RALGPS2: variants seen among roughly 807,000 people sequenced by gnomAD.
RALGPS2 encodes ras-specific guanine nucleotide-releasing factor RalGPS2.
Under a neutral mutation model 86.8 loss-of-function variants are expected in RALGPS2, and 43 were observed. The ratio of observed to expected loss-of-function variants is 0.50; its 90% CI spans 0.39 to 0.64. The LOEUF (loss-of-function observed/expected upper bound fraction) is 0.64, where lower values mean the gene tolerates loss of function less well. Among genes scored for constraint, RALGPS2 ranks in the 30% least tolerant of loss-of-function variants. The probability of loss-of-function intolerance (pLI) is 0.00; values close to 1 mark genes in which losing one functional copy is unlikely to be tolerated. For missense variants in RALGPS2, 536 were observed against 694.6 expected (o/e 0.77, Z 2.57); for synonymous variants, 243 against 231.3 (o/e 1.05, Z -0.46).
chr1:178,911,644 C>A (rs1241874903), intron 19 of RALGPS2, among the ~76,000 whole-genome samples: 1 of 152,142 alleles, frequency 6.6e-6, no homozygotes, highest in African/African-American at 2.4e-5. Flanking sequence ...TGTGGTTGAT[C>A]TTAGAGAATG....
At chr1:178,810,866 T>A (rs71628300) in intron 5 of RALGPS2, among the ~76,000 whole-genome samples, 36,057 of 151,924 alleles carry the variant, frequency 0.24, 5,008 homozygotes, top group Non-Finnish European at 0.32. Context: ...TCATAGTACA[T>A]GAATTAAAGT....
At chr1:178,876,166 T>C (rs1572440465) in intron 8 of RALGPS2, among the ~76,000 whole-genome samples, 1 of 152,158 alleles carries the variant, frequency 6.6e-6, no homozygotes, top group Non-Finnish European at 1.5e-5. Flanking sequence ...GAGTGCAAGA[T>C]AGAGCAACTG....
In RALGPS2 at chr1:178,918,763, TAAAATAGTGTAGGTG is replaced by T. The variant is rs1365200993; in HGVS notation, c.*2407_*2421del. ...GCAAATTGAAAACAGAAAAGTGACT[TAAAATAGTGTAGGTG>T]AATTTTTTATCTATAATTTACCAAA... On this transcript the variant is annotated 3_prime_UTR_variant, in exon 20 of 20. Transcript: ENST00000367635. 1 of 152,080 alleles carries T rather than the reference TAAAATAGTGTAGGTG, an allele frequency of 6.6e-6. No homozygotes were observed. Among genetic ancestry groups the T allele is most frequent in the Non-Finnish European group, 1.5e-5 (1 of 67,946 alleles). The allele number at this position is 152,080 out of a possible 1,614,324, so 9.4% of individuals were successfully genotyped here.
Position 178,852,968 on chromosome 1 carries a change from A to G in RALGPS2, c.607+19418A>G, listed in dbSNP as rs150839113. The stretch of plus-strand genomic sequence containing the variant: ...CCAAACCCTTTCTGTTAATAAGTGA[A>G]GAAACATGAGTGCATAAATAAGTAT... On this transcript the variant is annotated intron_variant, in intron 8 of 19. Coordinates refer to ENST00000367635, the MANE Select transcript of RALGPS2 (RefSeq NM_152663.5). 2.9e-4 allele frequency: 455 copies of G among 1,595,412 alleles called. 1 individual carries two copies. The Middle Eastern group carries it at 4.9e-3, about 17-fold the overall frequency.
At chr1:178,750,609 G>A (rs1651598140) in intron 1 of RALGPS2, among the ~76,000 whole-genome samples, 1 of 152,208 alleles carries the variant, frequency 6.6e-6, no homozygotes, top group South Asian at 2.1e-4. Context: ...CAGTCTGCAT[G>A]TAGCTGGTTG....
At position 178,914,243 on chromosome 1, in the gene RALGPS2, C is replaced by T. The variant is rs192627544; in HGVS notation, c.1723-2087C>T. On this transcript the variant is annotated intron_variant, in intron 19 of 19. Coordinates refer to ENST00000367635, the MANE Select transcript of RALGPS2 (RefSeq NM_152663.5). ...TGGCCGTGTTCCTTTGCAGCTTTCC[C>T]CACACCATACCCCCTGGGCTCCATG... Among the ~76,000 whole-genome samples, 192 of 152,206 alleles carry T rather than the reference C, an allele frequency of 1.3e-3. 2 individuals carry two copies. Among genetic ancestry groups the T allele is most frequent in the African/African-American group, 4.2e-3 (176 of 41,524 alleles).
At chr1:178,750,616 G>A (rs78724976) in intron 1 of RALGPS2, among the ~76,000 whole-genome samples, 4,421 of 152,230 alleles carry the variant, frequency 0.029, 210 homozygotes, top group African/African-American at 0.1. Context: ...CATGTAGCTG[G>A]TTGATGAATT....
At chr1:178,772,208 G>T (rs1325255544) in intron 1 of RALGPS2, among the ~76,000 whole-genome samples, 1 of 152,130 alleles carries the variant, frequency 6.6e-6, no homozygotes, top group African/African-American at 2.4e-5. Flanking sequence ...TGCTTTAACT[G>T]CTAATATTGT....
Position 178,916,484 on chromosome 1 carries a change from A to G in RALGPS2, c.*125A>G. On this transcript the variant is annotated 3_prime_UTR_variant, in exon 20 of 20. Coordinates refer to ENST00000367635, the MANE Select transcript of RALGPS2 (RefSeq NM_152663.5). ...CCAGAGGCTCTGTCTCAGTCGTTGG[A>G]GTTCTCAACCAAAAAAGCACTAATT... 1 of 848,910 alleles carries G rather than the reference A, an allele frequency of 1.2e-6. No individual in the cohort carries two copies. The allele number at this position is 848,910 out of a possible 1,614,324, so 52.6% of individuals were successfully genotyped here.
Position 178,827,387 on chromosome 1 carries a change from C to G in RALGPS2, c.480+5683C>G, listed in dbSNP as rs187455016. ...ACAACAAAGCTAGAGACATCATACT[C>G]TCTGATTTTTTTTTTTTTTTTTTTT... On this transcript the variant is annotated intron_variant, in intron 7 of 19. Transcript: ENST00000367635. Among the ~76,000 whole-genome samples, 531 of 148,934 alleles carry G rather than the reference C, an allele frequency of 3.6e-3. 5 individuals are homozygous for G. The highest frequency in any genetic ancestry group is 0.012 in the African/African-American group (482 of 39,094).
intron 8 of RALGPS2, among the ~76,000 whole-genome samples, chr1:178,861,668 T>TA (rs531445892): frequency 3.4e-4 from 52 of 152,316 alleles, no homozygotes; most frequent in Non-Finnish European, 6.2e-4. Context: ...CCTCATCAGT[T>TA]AAAAAAATTC....
At chr1:178,727,413 C>T (rs1224923659) in intron 1 of RALGPS2, among the ~76,000 whole-genome samples, 2 of 152,136 alleles carry the variant, frequency 1.3e-5, no homozygotes, top group Non-Finnish European at 2.9e-5. Flanking sequence ...TACTTTGGGG[C>T]AGGACTCTGG....
chr1:178,797,323 T>A (rs1349433949), intron 4 of RALGPS2, among the ~76,000 whole-genome samples: 2 of 151,958 alleles, frequency 1.3e-5, no homozygotes, highest in South Asian at 4.2e-4. Context: ...TTTTTTTTTT[T>A]AATCACAGAG....
intron 1 of RALGPS2, among the ~76,000 whole-genome samples, chr1:178,766,784 G>A (rs1652528940): frequency 1.3e-5 from 2 of 152,202 alleles, no homozygotes; most frequent in South Asian, 4.1e-4. Flanking sequence ...GAATTTGAAT[G>A]TTGGCCTCTT....
chr1:178,810,972 TTTAA>T (rs1293582315), intron 5 of RALGPS2, among the ~76,000 whole-genome samples: 2 of 152,040 alleles, frequency 1.3e-5, no homozygotes, highest in Non-Finnish European at 2.9e-5. Flanking sequence ...ATAAATTAGT[TTTAA>T]TTATTTTTTA....
rs111378728 is a variant in RALGPS2 at position 178,731,538 on chromosome 1, C to T, written c.-84+6119C>T. ...CCTCAAGTGATCCGCCTACCTCGGC[C>T]TCTCAGAGTGCTGGGATTACAGGTG... On this transcript the variant is annotated intron_variant, in intron 1 of 19. Transcript: ENST00000367635. Among the ~76,000 whole-genome samples, 567 of 152,140 alleles carry T rather than the reference C, an allele frequency of 3.7e-3. 5 individuals carry two copies. Among genetic ancestry groups the T allele is most frequent in the African/African-American group, 0.013 (542 of 41,494 alleles).
chr1:178,835,328 C>T (rs530151933), intron 8 of RALGPS2, among the ~76,000 whole-genome samples: 2 of 151,632 alleles, frequency 1.3e-5, no homozygotes, highest in South Asian at 4.2e-4. Flanking sequence ...AAATAGCATG[C>T]ATAGGACTAG....
chr1:178,813,496 A>C (rs187671370), intron 6 of RALGPS2, among the ~76,000 whole-genome samples: 1 of 151,710 alleles, frequency 6.6e-6, no homozygotes, highest in Admixed American at 6.6e-5. Flanking sequence ...TTCTATTCTG[A>C]CTCTCTGCCT....
intron 19 of RALGPS2, among the ~76,000 whole-genome samples, chr1:178,911,991 T>A (rs1660647572): frequency 1.3e-5 from 2 of 152,208 alleles, no homozygotes; most frequent in Admixed American, 1.3e-4. Context: ...ACCATTGTTA[T>A]AGTCTGTTGT....
Sources: gnomAD v4.1 joint callset for allele counts (sites outside exome capture counted in the v4.1 genomes callset) on GRCh38, gnomAD v4.1.1 for gene constraint, MANE v1.5 for transcripts, NCBI Gene and HGNC (gene_info 2026-07-23, HGNC 2026-07-21) for gene names.